Variants in GRIN2A observed in about 807,000 individuals in gnomAD.
GRIN2A encodes glutamate receptor ionotropic, NMDA 2A.
Under a neutral mutation model 113.4 loss-of-function variants are expected in GRIN2A, and 22 were observed. That is an observed-to-expected ratio of 0.19 (90% confidence interval 0.14 to 0.28). The LOEUF (loss-of-function observed/expected upper bound fraction) is 0.28. Among genes scored for constraint, GRIN2A ranks in the 10% least tolerant of loss-of-function variants. The pLI is 1.00. For missense variants in GRIN2A, 1,502 were observed against 1,887.0 expected (o/e 0.80, Z 3.78); for synonymous variants, 827 against 738.4 (o/e 1.12, Z -1.94).
At chr16:10,133,122 T>C (rs550157561) in intron 2 of GRIN2A, among the ~76,000 whole-genome samples, 13 of 152,158 alleles carry the variant, frequency 8.5e-5, no homozygotes, top group African/African-American at 3.1e-4. Flanking sequence ...TCAAGATGGA[T>C]CCATAACTTA....
At chr16:9,858,445 G>T (rs192986079) in intron 4 of GRIN2A, among the ~76,000 whole-genome samples, 22 of 151,978 alleles carry the variant, frequency 1.4e-4, no homozygotes, top group Non-Finnish European at 2.8e-4. Context: ...AGGTTGTGTG[G>T]GAGGAGAAAA....
chr16:9,801,109 TATTCTAAG>T (rs1250102524), intron 10 of GRIN2A, among the ~76,000 whole-genome samples: 1 of 152,168 alleles, frequency 6.6e-6, no homozygotes, highest in Non-Finnish European at 1.5e-5. Flanking sequence ...TCAGCTGTGG[TATTCTAAG>T]ATTGTGTGAG....
At position 9,764,157 on chromosome 16, in the gene GRIN2A, G is replaced by T; in HGVS notation, c.3387C>A (p.His1129Gln). 1 of 1,613,566 alleles carries T rather than the reference G, an allele frequency of 6.2e-7. No individual in the cohort carries two copies. Among genetic ancestry groups the T allele is most frequent in the Non-Finnish European group, 8.5e-7 (1 of 1,179,600 alleles). The part of the protein sequence containing the change: ...TIDGEKEPGF[H>Q]LDPPQFVENV... The stretch of plus-strand genomic sequence containing the variant: ...TTTCAACAAACTGGGGTGGATCTAA[G>T]TGGAAACCAGGCTCCTTCTCACCAT... The change falls in exon 13 of 13, where the codon CAC becomes CAA. Residue 1129 changes from histidine (H) to glutamine (Q), a missense_variant. His to Gln is a conservative substitution (Grantham distance 24, BLOSUM62 0). This residue lies in a region of GRIN2A where 832 missense variants were observed against 789.7 expected (regional missense o/e 1.05). Transcript: ENST00000330684.
intron 2 of GRIN2A, among the ~76,000 whole-genome samples, chr16:9,943,938 A>T (rs1328421967): frequency 3.3e-5 from 5 of 152,152 alleles, no homozygotes; most frequent in African/African-American, 4.8e-5. Flanking sequence ...TATGGTTGAG[A>T]AGTAGGTATT....
chr16:10,145,375 G>A (rs1208100921), intron 2 of GRIN2A, among the ~76,000 whole-genome samples: 1 of 152,184 alleles, frequency 6.6e-6, no homozygotes, highest in Non-Finnish European at 1.5e-5. Flanking sequence ...CAAGGAAACT[G>A]TTGAAGTGAA....
At chr16:10,053,226 A>C (rs147175226) in intron 2 of GRIN2A, among the ~76,000 whole-genome samples, 14 of 152,286 alleles carry the variant, frequency 9.2e-5, no homozygotes, top group African/African-American at 3.1e-4. Flanking sequence ...AAATCAAATG[A>C]CTGAGACAGA....
At chr16:9,909,581 T>C (rs1405239667) in intron 3 of GRIN2A, among the ~76,000 whole-genome samples, 1 of 152,214 alleles carries the variant, frequency 6.6e-6, no homozygotes, top group Non-Finnish European at 1.5e-5. Context: ...GGCTGTCATA[T>C]CAGATAGCTT....
In GRIN2A at chr16:9,833,839, C is replaced by T. The variant is rs187647217; in HGVS notation, c.1777+266G>A. On this transcript the variant is annotated intron_variant, in intron 8 of 12. Coordinates refer to ENST00000330684, the MANE Select transcript of GRIN2A (RefSeq NM_001134407.3). ...GTTTTAAGCGATTCTCCTGCCTCTGCCTCATGAGTAGCTGGTATTACAGGT... is the reference window on the plus strand; with the variant it reads ...GTTTTAAGCGATTCTCCTGCCTCTGTCTCATGAGTAGCTGGTATTACAGGT... 3.3e-5 allele frequency among the ~76,000 whole-genome samples: 5 copies of T among 152,260 alleles called. No individual in the cohort carries two copies. In the East Asian group the frequency reaches 9.7e-4, roughly 29 times the overall value.
At chr16:9,871,091 G>C (rs769977561) in intron 4 of GRIN2A, among the ~76,000 whole-genome samples, 5 of 151,882 alleles carry the variant, frequency 3.3e-5, no homozygotes, top group Non-Finnish European at 7.4e-5. Flanking sequence ...CTTTATCACA[G>C]CAACAGATTT....
intron 10 of GRIN2A, among the ~76,000 whole-genome samples, chr16:9,821,519 T>C (rs1184285436): frequency 1.3e-5 from 2 of 152,222 alleles, no homozygotes; most frequent in Non-Finnish European, 2.9e-5. Flanking sequence ...GTCCATGGAA[T>C]AGAATCTAAC....
intron 10 of GRIN2A, among the ~76,000 whole-genome samples, chr16:9,813,715 G>A (rs897134620): frequency 1.3e-5 from 2 of 151,026 alleles, no homozygotes; most frequent in African/African-American, 4.9e-5. Flanking sequence ...AAAAAAAGAT[G>A]TCTGTGTTTA....
At position 10,180,118 on chromosome 16, in the gene GRIN2A, G is replaced by T. The variant is rs771068226; in HGVS notation, c.294C>A (p.Leu98=). ...CCTGGTCCGTGTCGTCCCCAAACAC[G>T]AGGCCGTGGATGCGTGCCCCGGACA... The part of the protein sequence containing the change: ...DLMSGARIHG[L]VFGDDTDQEA... Residue 98 remains leucine (L), a synonymous_variant, in exon 2 of 13, where the codon CTC becomes CTA. Coordinates refer to ENST00000330684, the MANE Select transcript of GRIN2A (RefSeq NM_001134407.3). This position sits in a 1 kb window ranked among gnomAD's most constrained non-coding sequence, Gnocchi z 7.0. 5.6e-6 allele frequency: 9 copies of T among 1,614,096 alleles called. No homozygotes were observed. The highest frequency in any genetic ancestry group is 7.6e-6 in the Non-Finnish European group (9 of 1,180,042).
intron 2 of GRIN2A, among the ~76,000 whole-genome samples, chr16:10,059,771 G>C (rs1028879252): frequency 1.3e-5 from 2 of 150,934 alleles, no homozygotes; most frequent in Non-Finnish European, 2.9e-5. Context: ...TGAGAGGTAA[G>C]AGGTAAGTGA....
At chr16:10,150,678 G>A (rs1050941276) in intron 2 of GRIN2A, among the ~76,000 whole-genome samples, 4 of 140,882 alleles carry the variant, frequency 2.8e-5, no homozygotes, top group African/African-American at 1.0e-4. Context: ...TACTCCACAC[G>A]GCTCACTTCC....
At chr16:10,033,254 CA>C (rs2046963263) in intron 2 of GRIN2A, among the ~76,000 whole-genome samples, 2 of 152,146 alleles carry the variant, frequency 1.3e-5, no homozygotes, top group Non-Finnish European at 2.9e-5. Flanking sequence ...GGTCTGGGTT[CA>C]AATCATTCAT....
chr16:10,176,650 G>A, intron 2 of GRIN2A, among the ~76,000 whole-genome samples: 1 of 144,940 alleles, frequency 6.9e-6, no homozygotes, highest in Non-Finnish European at 1.5e-5. Flanking sequence ...ATTGAACAAT[G>A]AGAACACTTG....
At chr16:9,824,040 C>T (rs1349375755) in intron 9 of GRIN2A, among the ~76,000 whole-genome samples, 1 of 152,178 alleles carries the variant, frequency 6.6e-6, no homozygotes, top group Non-Finnish European at 1.5e-5. Flanking sequence ...CAGCTAGAAA[C>T]ATTATTCTTT....
intron 2 of GRIN2A, among the ~76,000 whole-genome samples, chr16:9,988,626 G>A (rs906032841): frequency 2.4e-4 from 36 of 152,026 alleles, no homozygotes; most frequent in Admixed American, 2.3e-3. Context: ...CATATGCCAG[G>A]CTGAGTGATA....
rs1378205761 is a variant in GRIN2A at position 9,758,854 on chromosome 16, G to A, written c.*4295C>T. Reference sequence around the variant, plus strand: ...CAAAAAGAGATGGGGTATCTGGAAAGGTCTAATTTTGTCTCCAGTGAAAAT... The same window carrying A: ...CAAAAAGAGATGGGGTATCTGGAAAAGTCTAATTTTGTCTCCAGTGAAAAT... On this transcript the variant is annotated 3_prime_UTR_variant, in exon 13 of 13. Transcript: ENST00000330684. The A allele has an allele frequency of 9.2e-6, 2 of 216,954 alleles. No homozygotes were observed. Among genetic ancestry groups the A allele is most frequent in the African/African-American group, 4.5e-5 (2 of 44,450 alleles). 13.4% of individuals were successfully genotyped at this position (216,954 alleles called of 1,614,324 possible).
Sources: gnomAD v4.1 joint callset for allele counts (sites outside exome capture counted in the v4.1 genomes callset) on GRCh38, gnomAD v4.1.1 for gene constraint, gnomAD v4.1.1 regional missense constraint, Gnocchi (gnomAD v3.1) non-coding constraint, MANE v1.5 for transcripts, NCBI Gene and HGNC (gene_info 2026-07-23, HGNC 2026-07-21) for gene names.